ADGRL3: variants seen among roughly 807,000 people sequenced by gnomAD.
ADGRL3 encodes calcium-independent alpha-latrotoxin receptor 3.
Under a neutral mutation model 153.5 loss-of-function variants are expected in ADGRL3, and 62 were observed. That is an observed-to-expected ratio of 0.40 (90% CI 0.33 to 0.50). The LOEUF (loss-of-function observed/expected upper bound fraction) is 0.50, where lower values mean the gene tolerates loss of function less well. Among genes scored for constraint, ADGRL3 ranks in the 20% least tolerant of loss-of-function variants. The pLI is 0.47. For missense variants in ADGRL3, 1,641 were observed against 1,859.4 expected (o/e 0.88, Z 2.16); for synonymous variants, 710 against 672.5 (o/e 1.06, Z -0.86).
chr4:61,819,465 A>G (rs2097726397), intron 9 of ADGRL3, among the ~76,000 whole-genome samples: 1 of 152,068 alleles, frequency 6.6e-6, no homozygotes, highest in African/African-American at 2.4e-5. Flanking sequence ...CCATTCACCC[A>G]TGACTCTCTA....
intron 1 of ADGRL3, among the ~76,000 whole-genome samples, chr4:61,373,765 G>T (rs1297123674): frequency 2.0e-5 from 3 of 152,068 alleles, no homozygotes; most frequent in African/African-American, 4.8e-5. Context: ...TTTTAAAAAG[G>T]TCTGTGGATG....
intron 1 of ADGRL3, among the ~76,000 whole-genome samples, chr4:61,360,246 T>C (rs549089240): frequency 4.6e-5 from 7 of 152,196 alleles, no homozygotes; most frequent in Non-Finnish European, 8.8e-5. Flanking sequence ...TTTAAATATT[T>C]CTGAGATAAC....
intron 8 of ADGRL3, among the ~76,000 whole-genome samples, chr4:61,793,560 A>T (rs1382349861): frequency 6.6e-6 from 1 of 152,154 alleles, no homozygotes; most frequent in East Asian, 1.9e-4. Context: ...TGAGAATTAC[A>T]ATTCAAGATG....
chr4:61,652,496 G>C (rs933237833), intron 5 of ADGRL3, among the ~76,000 whole-genome samples: 2 of 152,070 alleles, frequency 1.3e-5, no homozygotes, highest in African/African-American at 4.8e-5. Flanking sequence ...CAGTGACAGA[G>C]TTGAATAATT....
chr4:61,357,639 G>T (rs2096200937), intron 1 of ADGRL3, among the ~76,000 whole-genome samples: 1 of 152,192 alleles, frequency 6.6e-6, no homozygotes, highest in Middle Eastern at 3.4e-3. Context: ...TGTGCATCAA[G>T]TCAATTTTTG....
At chr4:61,214,263 A>C (rs1396593935) in intron 1 of ADGRL3, among the ~76,000 whole-genome samples, 2 of 152,212 alleles carry the variant, frequency 1.3e-5, no homozygotes, top group Admixed American at 6.5e-5. Context: ...AAACAAAACC[A>C]TACAGTGAAT....
intron 26 of ADGRL3, among the ~76,000 whole-genome samples, chr4:62,069,007 A>G (rs757702312): frequency 6.6e-6 from 1 of 152,154 alleles, no homozygotes; most frequent in Non-Finnish European, 1.5e-5. Context: ...TCCAATTAAT[A>G]TTTCTGTAAA....
At chr4:61,886,317 T>TG (rs1230352843) in intron 9 of ADGRL3, among the ~76,000 whole-genome samples, 1 of 152,200 alleles carries the variant, frequency 6.6e-6, no homozygotes, top group Non-Finnish European at 1.5e-5. Flanking sequence ...CAAAAGCTAC[T>TG]GACAGCATTG....
At chr4:61,768,795 G>A (rs181698355) in intron 8 of ADGRL3, among the ~76,000 whole-genome samples, 3,245 of 152,018 alleles carry the variant, frequency 0.021, 43 homozygotes, top group Non-Finnish European at 0.032. Context: ...TAGAGGCACG[G>A]AGAAGGGGTG....
At chr4:61,225,646 A>T (rs1747594576) in intron 1 of ADGRL3, among the ~76,000 whole-genome samples, 1 of 152,206 alleles carries the variant, frequency 6.6e-6, no homozygotes, top group Admixed American at 6.5e-5. Context: ...CAAAATATAG[A>T]TTAATGTATA....
intron 9 of ADGRL3, among the ~76,000 whole-genome samples, chr4:61,829,486 T>C (rs1239815567): frequency 6.6e-6 from 1 of 152,228 alleles, no homozygotes; most frequent in South Asian, 2.1e-4. Flanking sequence ...ATTATGTTAA[T>C]GCCCGTATCT....
At chr4:62,027,991 C>G (rs1719758832) in intron 21 of ADGRL3, among the ~76,000 whole-genome samples, 1 of 151,742 alleles carries the variant, frequency 6.6e-6, no homozygotes, top group East Asian at 1.9e-4. Flanking sequence ...ATCAGTGGTT[C>G]TCTTTATTCA....
intron 1 of ADGRL3, among the ~76,000 whole-genome samples, chr4:61,297,208 T>C (rs977649658): frequency 1.3e-5 from 2 of 152,222 alleles, no homozygotes; most frequent in African/African-American, 4.8e-5. Context: ...GTTTTTAAAA[T>C]AGATAATTCT....
At chr4:61,914,527 A>G (rs924329047) in intron 13 of ADGRL3, among the ~76,000 whole-genome samples, 8 of 152,106 alleles carry the variant, frequency 5.3e-5, no homozygotes, top group African/African-American at 1.9e-4. Flanking sequence ...GAATTATCTA[A>G]TGGTAATACA....
At chr4:61,668,197 A>G (rs765541621) in intron 5 of ADGRL3, among the ~76,000 whole-genome samples, 1 of 152,208 alleles carries the variant, frequency 6.6e-6, no homozygotes, top group Non-Finnish European at 1.5e-5. Context: ...AGAAGAGGGA[A>G]AATGTGATGT....
intron 11 of ADGRL3, among the ~76,000 whole-genome samples, chr4:61,903,177 C>G (rs2098674347): frequency 6.6e-6 from 1 of 152,104 alleles, no homozygotes; most frequent in South Asian, 2.1e-4. Flanking sequence ...TTATTCTAGA[C>G]CTTACTTTTT....
chr4:61,952,719 G>T (rs904934971), intron 17 of ADGRL3, among the ~76,000 whole-genome samples: 2 of 152,136 alleles, frequency 1.3e-5, no homozygotes, highest in East Asian at 3.9e-4. Flanking sequence ...ACAAGTAATA[G>T]ATTTAAATCT....
intron 2 of ADGRL3, among the ~76,000 whole-genome samples, chr4:61,395,141 TCA>T (rs2096854730): frequency 6.6e-6 from 1 of 152,168 alleles, no homozygotes; most frequent in East Asian, 1.9e-4. Context: ...TCTTGGATTG[TCA>T]GTTCCGGGAC....
At chr4:61,341,490 A>G (rs1047917952) in intron 1 of ADGRL3, among the ~76,000 whole-genome samples, 1 of 151,424 alleles carries the variant, frequency 6.6e-6, no homozygotes, top group Non-Finnish European at 1.5e-5. Flanking sequence ...TCATATATAC[A>G]GAGTCATATA....
Sources: gnomAD v4.1 joint callset for allele counts (sites outside exome capture counted in the v4.1 genomes callset) on GRCh38, gnomAD v4.1.1 for gene constraint, MANE v1.5 for transcripts, NCBI Gene and HGNC (gene_info 2026-07-23, HGNC 2026-07-21) for gene names.